PPP2R2C: variants seen among roughly 807,000 people sequenced by gnomAD.
The protein encoded by PPP2R2C is protein phosphatase 2 regulatory subunit Bgamma, also known as protein phosphatase 2, regulatory subunit B, gamma.
Under a neutral mutation model 45.3 loss-of-function variants are expected in PPP2R2C, and 10 were observed. That is an observed-to-expected ratio of 0.22 (90% CI 0.14 to 0.37). PPP2R2C has a LOEUF of 0.37. Among genes scored for constraint, PPP2R2C ranks in the 10% least tolerant of loss-of-function variants. The pLI, the probability that PPP2R2C is intolerant of heterozygous loss-of-function variation, is 1.00. For synonymous variants in PPP2R2C, 257 were observed against 245.4 expected (o/e 1.05, Z -0.44); for missense variants, 308 against 619.7 (o/e 0.50, Z 5.34).
At chr4:6,545,321 C>T (rs1724942282) in intron 1 of PPP2R2C, among the ~76,000 whole-genome samples, 2 of 152,160 alleles carry the variant, frequency 1.3e-5, no homozygotes, top group African/African-American at 4.8e-5. Flanking sequence ...AGCTCAAAAT[C>T]AATAAGTTAA....
At chr4:6,439,285 A>G (rs1224723552) in intron 1 of PPP2R2C, among the ~76,000 whole-genome samples, 1 of 152,266 alleles carries the variant, frequency 6.6e-6, no homozygotes, top group Non-Finnish European at 1.5e-5. Flanking sequence ...TAGATTTATC[A>G]TAAATGCAAG....
upstream of PPP2R2C, among the ~76,000 whole-genome samples, chr4:6,473,381 AT>A (rs1220518862): frequency 6.6e-6 from 1 of 151,714 alleles, no homozygotes; most frequent in Non-Finnish European, 1.5e-5. Flanking sequence ...CTCAAAAAAT[AT>A]TTGCCTCCTG....
chr4:6,353,619 C>A (rs1712817688), intron 5 of PPP2R2C, among the ~76,000 whole-genome samples: 1 of 20,896 alleles, frequency 4.8e-5, no homozygotes, highest in Non-Finnish European at 9.7e-5. Context: ...TTCACACCGA[C>A]AGACCCCCCA....
chr4:6,414,985 G>A (rs1718475289), intron 1 of PPP2R2C, among the ~76,000 whole-genome samples: 1 of 152,352 alleles, frequency 6.6e-6, no homozygotes, highest in East Asian at 1.9e-4. Flanking sequence ...AGGTTCCACA[G>A]AAGAGCATCT....
chr4:6,376,349 A>G lies in PPP2R2C; in HGVS notation c.335-418T>C, dbSNP rs1234081991. On this transcript the variant is annotated intron_variant, in intron 3 of 8. Coordinates refer to ENST00000382599, the MANE Select transcript of PPP2R2C (RefSeq NM_020416.4). ...AGGCCCTGCCATTAGGAAAGAGTGA[A>G]GCCAGGATTCAAACCCAGGTGGGAA... Among the ~76,000 whole-genome samples the G allele has an allele frequency of 2.0e-5, 3 of 152,306 alleles. No homozygotes were observed. The East Asian group carries it at 5.8e-4, about 29-fold the overall frequency.
chr4:6,469,077 CA>C (rs142008829), intron 1 of PPP2R2C, among the ~76,000 whole-genome samples: 1,012 of 56,186 alleles, frequency 0.018, 14 homozygotes, highest in African/African-American at 0.058. Flanking sequence ...GCCCTGCCAC[CA>C]AAAAAAAAAA....
chr4:6,431,641 C>A (rs1023630892), intron 1 of PPP2R2C, among the ~76,000 whole-genome samples: 1 of 152,202 alleles, frequency 6.6e-6, no homozygotes, highest in Non-Finnish European at 1.5e-5. Context: ...TGTATCTGGA[C>A]CTCCCCTGGG....
intron 1 of PPP2R2C, among the ~76,000 whole-genome samples, chr4:6,419,722 G>A (rs1295169508): frequency 6.6e-6 from 1 of 152,194 alleles, no homozygotes. Flanking sequence ...TGGAGGCCAG[G>A]AATGTGACAT....
chr4:6,455,992 G>A (rs978630896), intron 1 of PPP2R2C, among the ~76,000 whole-genome samples: 4 of 146,240 alleles, frequency 2.7e-5, no homozygotes, highest in African/African-American at 1.0e-4. Flanking sequence ...AAATCCTGGG[G>A]GGGGGGAGCT....
chr4:6,502,701 G>A (rs1451127777), intron 2 of PPP2R2C, among the ~76,000 whole-genome samples: 2 of 152,146 alleles, frequency 1.3e-5, no homozygotes, highest in Non-Finnish European at 2.9e-5. Context: ...AGACCAGGCA[G>A]GGTAATAGGA....
intron 2 of PPP2R2C, among the ~76,000 whole-genome samples, chr4:6,512,657 T>TGGTGGC: frequency 7.0e-6 from 1 of 142,624 alleles, no homozygotes; most frequent in Non-Finnish European, 1.6e-5. Flanking sequence ...GTGCTGATGG[T>TGGTGGC]GGTGGTGGTG....
intron 1 of PPP2R2C, among the ~76,000 whole-genome samples, chr4:6,433,909 C>A (rs892844227): frequency 6.6e-6 from 1 of 152,158 alleles, no homozygotes; most frequent in Non-Finnish European, 1.5e-5. Context: ...AGCTGTGCAG[C>A]CTTTGGTTAA....
intron 2 of PPP2R2C, among the ~76,000 whole-genome samples, chr4:6,493,757 G>C (rs1045060463): frequency 1.3e-5 from 2 of 152,052 alleles, no homozygotes; most frequent in Non-Finnish European, 2.9e-5. Context: ...ACAGTTCCCT[G>C]TCTTCTGGTT....
chr4:6,507,435 G>A lies in PPP2R2C; in HGVS notation c.49+27836C>T, dbSNP rs147069219. On this transcript the variant is annotated intron_variant, in intron 2 of 9. Coordinates refer to the PPP2R2C transcript ENST00000506140. The stretch of plus-strand genomic sequence containing the variant: ...AAGTTACTGTGTGACTTAACAGTCC[G>A]TGCAGTTTCCACTCTTGCCCTCTGG... Among the ~76,000 whole-genome samples, 1,348 of 152,340 alleles carry A rather than the reference G, an allele frequency of 8.8e-3. 12 individuals are homozygous for A. Among genetic ancestry groups the A allele is most frequent in the Middle Eastern group, 0.024 (7 of 294 alleles).
At chr4:6,415,614 A>C (rs1034878798) in intron 1 of PPP2R2C, among the ~76,000 whole-genome samples, 1 of 152,186 alleles carries the variant, frequency 6.6e-6, no homozygotes, top group African/African-American at 2.4e-5. Flanking sequence ...CCACCAGGAA[A>C]GGCTTGGCCA....
At chr4:6,493,278 G>A (rs1258968810) in intron 2 of PPP2R2C, among the ~76,000 whole-genome samples, 2 of 151,766 alleles carry the variant, frequency 1.3e-5, no homozygotes, top group Non-Finnish European at 2.9e-5. Flanking sequence ...CCCCTTTCTG[G>A]GCTTTGCTTT....
chr4:6,362,894 C>G (rs10003601), intron 5 of PPP2R2C, among the ~76,000 whole-genome samples: 9 of 152,036 alleles, frequency 5.9e-5, no homozygotes, highest in Non-Finnish European at 1.2e-4. Context: ...CCCCTTTCCC[C>G]TTTGACTTTG....
intron 1 of PPP2R2C, among the ~76,000 whole-genome samples, chr4:6,404,882 G>T (rs1006013524): frequency 4.6e-5 from 7 of 152,250 alleles, no homozygotes; most frequent in Non-Finnish European, 1.0e-4. Context: ...GCCAACTGCG[G>T]TCAGGTCCGC....
intron 5 of PPP2R2C, among the ~76,000 whole-genome samples, chr4:6,365,665 G>A (rs1714237120): frequency 1.3e-5 from 2 of 152,190 alleles, no homozygotes; most frequent in Admixed American, 1.3e-4. Context: ...GACAAGCTGA[G>A]TCTTCAGGCA....
Sources: allele counts gnomAD v4.1 joint callset (sites outside exome capture counted in the v4.1 genomes callset), GRCh38; gene constraint gnomAD v4.1.1; transcripts MANE v1.5; gene names NCBI Gene and HGNC (gene_info 2026-07-23, HGNC 2026-07-21).